CMSS1: variants seen among roughly 807,000 people sequenced by gnomAD.
CMSS1 encodes the protein protein CMSS1.
In CMSS1, 33 loss-of-function variants were observed where a neutral mutation model predicts 43.5. That is an observed-to-expected ratio of 0.76 (90% CI 0.57 to 1.01). The LOEUF is 1.01. CMSS1 is among the 50% of genes least tolerant of loss of function. CMSS1 has a pLI of 0.00. For missense variants in CMSS1, 313 were observed against 326.4 expected (o/e 0.96, Z 0.32); for synonymous variants, 115 against 117.2 (o/e 0.98, Z 0.12).
chr3:100,070,845 A>G (rs2065749328), intron 1 of CMSS1, among the ~76,000 whole-genome samples: 1 of 152,136 alleles, frequency 6.6e-6, no homozygotes, highest in Non-Finnish European at 1.5e-5. Context: ...TGGCCAGGAT[A>G]TTCACGAACT....
intron 2 of CMSS1, among the ~76,000 whole-genome samples, chr3:100,159,480 G>A (rs2067004555): frequency 6.6e-6 from 1 of 152,190 alleles, no homozygotes; most frequent in African/African-American, 2.4e-5. Flanking sequence ...AGCCAGTGGA[G>A]ACAAGATTGC....
At chr3:100,067,051 T>G (rs1201905819) in intron 1 of CMSS1, among the ~76,000 whole-genome samples, 2 of 152,178 alleles carry the variant, frequency 1.3e-5, no homozygotes, top group Non-Finnish European at 2.9e-5. Flanking sequence ...AGGGCAAGCG[T>G]GGACTGTGAT....
chr3:99,999,945 G>T (rs1709794449), intron 1 of CMSS1, among the ~76,000 whole-genome samples: 1 of 152,034 alleles, frequency 6.6e-6, no homozygotes, highest in Non-Finnish European at 1.5e-5. Flanking sequence ...TGACATAAAG[G>T]TATCTCTAGA....
intron 1 of CMSS1, chr3:99,851,165 TATATG>T: frequency 9.8e-7 from 1 of 1,016,196 alleles, no homozygotes; most frequent in Non-Finnish European, 1.4e-6. Flanking sequence ...ATTATGTAAT[TATATG>T]AGCTGTGTCA....
intron 1 of CMSS1, among the ~76,000 whole-genome samples, chr3:99,901,526 C>G (rs984151377): frequency 2.6e-5 from 4 of 152,186 alleles, no homozygotes; most frequent in African/African-American, 9.7e-5. Context: ...TTTTGCTTGG[C>G]TATTAGCCAG....
At chr3:99,860,396 T>G (rs141644728) in intron 1 of CMSS1, among the ~76,000 whole-genome samples, 1 of 152,200 alleles carries the variant, frequency 6.6e-6, no homozygotes, top group African/African-American at 2.4e-5. Context: ...TAGCAGAGAA[T>G]CAGGATTCTA....
intron 1 of CMSS1, among the ~76,000 whole-genome samples, chr3:99,943,437 C>T (rs1454313961): frequency 1.3e-5 from 2 of 152,162 alleles, no homozygotes; most frequent in Non-Finnish European, 2.9e-5. Flanking sequence ...GGTATGGTGG[C>T]TCATGACTGT....
intron 1 of CMSS1, among the ~76,000 whole-genome samples, chr3:99,963,586 A>G (rs930949785): frequency 1.3e-5 from 2 of 152,114 alleles, no homozygotes; most frequent in East Asian, 1.9e-4. Flanking sequence ...CTTTGCCTTG[A>G]TGGTGTTACC....
chr3:99,952,717 A>G (rs985082913), intron 1 of CMSS1, among the ~76,000 whole-genome samples: 2 of 152,214 alleles, frequency 1.3e-5, no homozygotes, highest in Admixed American at 1.3e-4. Flanking sequence ...TCTATAGTTT[A>G]CTAGCTTTGA....
chr3:99,849,960 T>C (rs1324131373), intron 1 of CMSS1: 3 of 1,612,574 alleles, frequency 1.9e-6, no homozygotes, highest in Non-Finnish European at 2.5e-6. Context: ...CTTCTTCCGC[T>C]TTCAATTTGT....
At chr3:99,857,093 A>AT (rs1292436886) in intron 1 of CMSS1, among the ~76,000 whole-genome samples, 23 of 152,004 alleles carry the variant, frequency 1.5e-4, no homozygotes, top group Non-Finnish European at 3.1e-4. Flanking sequence ...AACCACATGA[A>AT]TTTTTTTTGA....
At chr3:100,047,329 T>C (rs972727849) in intron 1 of CMSS1, among the ~76,000 whole-genome samples, 1 of 152,252 alleles carries the variant, frequency 6.6e-6, no homozygotes, top group Admixed American at 6.5e-5. Context: ...AAAGCATATT[T>C]ATTGATGCTA....
intron 1 of CMSS1, among the ~76,000 whole-genome samples, chr3:99,892,539 C>T (rs1205342734): frequency 6.6e-6 from 1 of 152,200 alleles, no homozygotes; most frequent in Non-Finnish European, 1.5e-5. Flanking sequence ...CTCCCTGGTT[C>T]TTGTGGCTTT....
intron 1 of CMSS1, among the ~76,000 whole-genome samples, chr3:99,837,275 T>G (rs1942939364): frequency 6.6e-6 from 1 of 152,164 alleles, no homozygotes; most frequent in South Asian, 2.1e-4. Flanking sequence ...TATGGAACTT[T>G]TGAGGACCTC....
chr3:99,868,942 A>G (rs1944649654), intron 1 of CMSS1, among the ~76,000 whole-genome samples: 1 of 152,162 alleles, frequency 6.6e-6, no homozygotes, highest in Non-Finnish European at 1.5e-5. Context: ...CGTTAAGCCA[A>G]CTGTAAGCTC....
intron 2 of CMSS1, among the ~76,000 whole-genome samples, chr3:100,159,180 A>G (rs2067001928): frequency 6.6e-6 from 1 of 152,240 alleles, no homozygotes; most frequent in South Asian, 2.1e-4. Context: ...AAAAGAAGCC[A>G]TATCTCTCTT....
chr3:100,151,117 T>A (rs1396137553), intron 2 of CMSS1, among the ~76,000 whole-genome samples: 5 of 152,240 alleles, frequency 3.3e-5, no homozygotes, highest in African/African-American at 1.2e-4. Flanking sequence ...TCATTTCATA[T>A]TTCTTCCACT....
chr3:99,878,980 T>A (rs1705630622), intron 1 of CMSS1, among the ~76,000 whole-genome samples: 1 of 152,228 alleles, frequency 6.6e-6, no homozygotes, highest in South Asian at 2.1e-4. Context: ...AATAGTAGAG[T>A]TATGATCACT....
chr3:100,178,319 A>G lies in CMSS1; in HGVS notation c.771A>G (p.Val257=). 6.2e-7 allele frequency: 1 copy of G among 1,610,540 alleles called. No homozygotes were observed. Among genetic ancestry groups the G allele is most frequent in the South Asian group, 1.1e-5 (1 of 90,930 alleles). ...CTCTCATTTAGATAAGAAAGGAGGT[A>G]TTCGAACTTCTGGAAATGGGAGTGC... ...MMDIPEIRKE[V]FELLEMGVLS... The change falls in exon 10 of 10, where the codon GTA becomes GTG. Residue 257 remains valine, a synonymous_variant. Coordinates refer to ENST00000421999, the MANE Select transcript of CMSS1 (RefSeq NM_032359.4).
Sources: gnomAD v4.1 joint callset for allele counts (sites outside exome capture counted in the v4.1 genomes callset) on GRCh38, gnomAD v4.1.1 for gene constraint, MANE v1.5 for transcripts, NCBI Gene and HGNC (gene_info 2026-07-23, HGNC 2026-07-21) for gene names.